The following AKR1B15 variants were observed in gnomAD, a reference collection of about 807,000 sequenced individuals.
AKR1B15 encodes the protein aldo-keto reductase family 1 member B15.
In AKR1B15, 49 loss-of-function variants were observed where a neutral mutation model predicts 38.5. The observed-to-expected ratio is 1.27, with a 90% CI of 1.01 to 1.62. The LOEUF is 1.62. Among genes scored for constraint, AKR1B15 ranks in the 40% most tolerant of loss-of-function variants. The pLI, the probability that AKR1B15 is intolerant of heterozygous loss-of-function variation, is 0.00. For synonymous variants in AKR1B15, 137 were observed against 135.5 expected (o/e 1.01, Z -0.08); for missense variants, 411 against 381.6 (o/e 1.08, Z -0.64).
chr7:134,552,672 T>C (rs1794029074), intron 1 of AKR1B15, among the ~76,000 whole-genome samples: 1 of 152,144 alleles, frequency 6.6e-6, no homozygotes. Context: ...CTCTAACCCT[T>C]ATACTTTACT....
At chr7:134,555,077 T>A (rs146358663) in intron 1 of AKR1B15, among the ~76,000 whole-genome samples, 2,654 of 152,288 alleles carry the variant, frequency 0.017, 71 homozygotes, top group African/African-American at 0.056. Flanking sequence ...GTTTTCACCT[T>A]TTGAAATCAT....
At chr7:134,574,692 T>C (rs1794726313) in intron 6 of AKR1B15, among the ~76,000 whole-genome samples, 1 of 152,232 alleles carries the variant, frequency 6.6e-6, no homozygotes, top group Non-Finnish European at 1.5e-5. Context: ...TGCTAACATA[T>C]ATGATATCTT....
intron 2 of AKR1B15, among the ~76,000 whole-genome samples, chr7:134,561,422 G>T (rs1172193864): frequency 6.6e-6 from 1 of 152,190 alleles, no homozygotes; most frequent in Non-Finnish European, 1.5e-5. Flanking sequence ...GGCCAGGCTA[G>T]TTTCAAACAC....
intron 1 of AKR1B15, among the ~76,000 whole-genome samples, chr7:134,552,329 T>G (rs1213720896): frequency 6.6e-6 from 1 of 152,120 alleles, no homozygotes; most frequent in Admixed American, 6.5e-5. Context: ...CCCTCACAAC[T>G]GCCGGAGAAT....
chr7:134,568,664 C>A (rs780056021), intron 4 of AKR1B15, among the ~76,000 whole-genome samples: 12 of 152,206 alleles, frequency 7.9e-5, no homozygotes, highest in African/African-American at 1.4e-4. Context: ...CCTCTCAGCA[C>A]TGTGGTCTCA....
intron 2 of AKR1B15, among the ~76,000 whole-genome samples, chr7:134,557,362 C>T (rs958171200): frequency 6.6e-6 from 1 of 152,122 alleles, no homozygotes; most frequent in East Asian, 1.9e-4. Context: ...CCCCCAAACA[C>T]GAGTGGGAAA....
intron 2 of AKR1B15, among the ~76,000 whole-genome samples, chr7:134,562,393 T>A (rs72501602): frequency 0.071 from 10,803 of 152,178 alleles, 637 homozygotes; most frequent in East Asian, 0.3. Context: ...CCTACCCACT[T>A]CCTGTTGATT....
intron 2 of AKR1B15, among the ~76,000 whole-genome samples, chr7:134,557,830 G>T (rs2117624209): frequency 6.6e-6 from 1 of 152,204 alleles, no homozygotes; most frequent in Admixed American, 6.5e-5. Flanking sequence ...TCGGTTGCTG[G>T]CAATAAAGGA....
intron 2 of AKR1B15, among the ~76,000 whole-genome samples, chr7:134,562,547 T>C (rs976163521): frequency 1.3e-5 from 2 of 152,084 alleles, no homozygotes; most frequent in African/African-American, 4.8e-5. Context: ...GAGTGCTGAT[T>C]AGTCCATTTT....
chr7:134,577,136 CTG>C, intron 10 of AKR1B15, 90 bp downstream of exon 10: 1 of 1,329,750 alleles, frequency 7.5e-7, no homozygotes. Context: ...CATCCCTGCA[CTG>C]TCTTTGGCCC....
intron 6 of AKR1B15, among the ~76,000 whole-genome samples, chr7:134,574,587 A>G (rs1051636872): frequency 7.2e-5 from 11 of 152,062 alleles, no homozygotes; most frequent in African/African-American, 2.7e-4. Flanking sequence ...CAGAAGAAGG[A>G]AGCACATTGT....
chr7:134,579,845 A>G lies in AKR1B15; in HGVS notation c.*296A>G, dbSNP rs1472977916. ...CTGCCAACACTGAGGATGTAAAGAT[A>G]AATAATAAAAAATAATGACTTTAAC... On this transcript the variant is annotated 3_prime_UTR_variant, in exon 12 of 12. Coordinates refer to ENST00000457545, the MANE Select transcript of AKR1B15 (RefSeq NM_001080538.3). 3.4e-6 allele frequency: 1 copy of G among 296,454 alleles called. No homozygotes were observed. Among genetic ancestry groups the G allele is most frequent in the Non-Finnish European group, 6.1e-6 (1 of 162,784 alleles). 18.4% of individuals were successfully genotyped at this position (296,454 alleles called of 1,614,324 possible). A position where few individuals can be genotyped will look rare whatever the true frequency, so the allele number is the denominator to read the frequency against.
intron 11 of AKR1B15, 132 bp from the exon 12 acceptor site, chr7:134,579,372 CCTT>C: frequency 1.4e-6 from 1 of 694,268 alleles, no homozygotes; most frequent in East Asian, 2.8e-5. Context: ...GTGTAAGCAC[CCTT>C]CTTGTGTTCT....
At position 134,575,443 on chromosome 7, in the gene AKR1B15, G is replaced by A; in HGVS notation, c.537G>A (p.Glu179=). ...AGGCCATGGAGGAGCTGGTGGACGA[G>A]GGGCTGGTGAAAGCCCTTGGGGTCT... ...AWEAMEELVD[E]GLVKALGVSN... Residue 179 remains glutamate (E), a synonymous_variant, in exon 7 of 12, where the codon GAG becomes GAA. Coordinates refer to ENST00000457545, the MANE Select transcript of AKR1B15 (RefSeq NM_001080538.3). The A allele has an allele frequency of 6.2e-7, 1 of 1,613,830 alleles. No individual in the cohort carries two copies. Among genetic ancestry groups the A allele is most frequent in the Non-Finnish European group, 8.5e-7 (1 of 1,179,802 alleles).
chr7:134,568,649 G>T (rs181333148), intron 4 of AKR1B15, among the ~76,000 whole-genome samples: 44 of 152,274 alleles, frequency 2.9e-4, no homozygotes, highest in African/African-American at 8.2e-4. Flanking sequence ...TTGATATGAA[G>T]CCTCCCTCTC....
chr7:134,564,003 G>A (rs370066450), intron 2 of AKR1B15, among the ~76,000 whole-genome samples: 6 of 152,028 alleles, frequency 3.9e-5, no homozygotes, highest in East Asian at 1.9e-4. Context: ...TCTGCCTCCC[G>A]ACCAACTGGA....
intron 5 of AKR1B15, 179 bp downstream of exon 5, chr7:134,569,708 A>C (rs1022693941): frequency 5.1e-6 from 3 of 592,624 alleles, no homozygotes; most frequent in African/African-American, 3.7e-5. Context: ...TCTTTACTGC[A>C]ATCTCTGAAC....
At chr7:134,565,955 T>C (rs1213204098) in intron 3 of AKR1B15, among the ~76,000 whole-genome samples, 5 of 152,098 alleles carry the variant, frequency 3.3e-5, no homozygotes, top group Admixed American at 6.5e-5. Flanking sequence ...GATCACCATG[T>C]GGGACTTGGG....
Position 134,576,360 on chromosome 7 carries a change from A to T in AKR1B15, c.755A>T (p.Glu252Val). 6.2e-7 allele frequency: 1 copy of T among 1,614,122 alleles called. No individual in the cohort carries two copies. Among genetic ancestry groups the T allele is most frequent in the Non-Finnish European group, 8.5e-7 (1 of 1,179,972 alleles). Residue 252 changes from glutamate (E) to valine (V), a missense_variant, in exon 9 of 12, where the codon GAG (glutamate) becomes GTG (valine). Around this residue, in one of 3 missense-constraint regions of AKR1B15, gnomAD observed 133 missense variants for 120.3 expected, o/e 1.11. Transcript: ENST00000457545. ...CTTTCTGCCCCTAGGGCCAAACCTG[A>T]GGACCCTTCCCTGCTGGAGGATCCC... ...GSPDRPWAKP[E>V]DPSLLEDPKI...
Sources: allele counts gnomAD v4.1 joint callset (sites outside exome capture counted in the v4.1 genomes callset), GRCh38; gene constraint gnomAD v4.1.1; regional missense constraint gnomAD v4.1.1; transcripts MANE v1.5; gene names NCBI Gene and HGNC (gene_info 2026-07-23, HGNC 2026-07-21).